The following PDE7A variants were observed in gnomAD, a reference collection of about 807,000 sequenced individuals.
PDE7A encodes phosphodiesterase 7A, also known as high affinity 3',5'-cyclic-AMP phosphodiesterase 7A.
PDE7A carries 39 observed loss-of-function variants against 64.3 expected under a neutral mutation model. That is an observed-to-expected ratio of 0.61 (90% confidence interval 0.47 to 0.79). The LOEUF is 0.79. Among genes scored for constraint, PDE7A ranks in the 30% least tolerant of loss-of-function variants. The pLI is 0.00. For synonymous variants in PDE7A, 203 were observed against 206.8 expected (o/e 0.98, Z 0.16); for missense variants, 470 against 582.8 (o/e 0.81, Z 1.99).
At chr8:65,792,454 A>C (rs898540443) in intron 1 of PDE7A, among the ~76,000 whole-genome samples, 4 of 152,220 alleles carry the variant, frequency 2.6e-5, no homozygotes, top group Non-Finnish European at 5.9e-5. Context: ...TGCCACTCAC[A>C]GGACACCTGT....
At chr8:65,806,728 G>A (rs555642171) in intron 1 of PDE7A, among the ~76,000 whole-genome samples, 1 of 152,324 alleles carries the variant, frequency 6.6e-6, no homozygotes, top group Non-Finnish European at 1.5e-5. Context: ...CCAAGTTGGA[G>A]CACATGTCAG....
intron 3 of PDE7A, among the ~76,000 whole-genome samples, chr8:65,767,096 G>A (rs757186117): frequency 4.6e-5 from 7 of 152,102 alleles, no homozygotes; most frequent in South Asian, 2.1e-4. Context: ...TATTAAATAC[G>A]TCATACACTT....
At chr8:65,792,839 C>T (rs907249136) in intron 1 of PDE7A, among the ~76,000 whole-genome samples, 2 of 152,058 alleles carry the variant, frequency 1.3e-5, no homozygotes, top group Non-Finnish European at 2.9e-5. Flanking sequence ...AAGAAAAAAG[C>T]TTCCATAACA....
At chr8:65,757,104 C>T (rs1439687129) in intron 3 of PDE7A, among the ~76,000 whole-genome samples, 1 of 152,092 alleles carries the variant, frequency 6.6e-6, no homozygotes, top group Admixed American at 6.5e-5. Flanking sequence ...ATAATGTCAG[C>T]ATTCCTTCCC....
chr8:65,786,163 T>A (rs1221007925), intron 1 of PDE7A, among the ~76,000 whole-genome samples: 1 of 152,170 alleles, frequency 6.6e-6, no homozygotes, highest in Non-Finnish European at 1.5e-5. Flanking sequence ...ATTACATAGG[T>A]CTGTGCAAAA....
In PDE7A at chr8:65,716,735, G is replaced by C. The variant is rs1377049454; in HGVS notation, c.*2555C>G. Among the ~76,000 whole-genome samples the C allele has an allele frequency of 1.3e-5, 2 of 152,204 alleles. No individual in the cohort carries two copies. Among genetic ancestry groups the C allele is most frequent in the Non-Finnish European group, 2.9e-5 (2 of 68,030 alleles). ...GTTACTGTGAGCTTGGTTAATGTGG[G>C]TTTGCCATGATAGTTCCACTCTCTA... On this transcript the variant is annotated 3_prime_UTR_variant, in exon 13 of 13. Transcript: ENST00000401827.
chr8:65,720,153 A>G (rs1806314308), intron 12 of PDE7A, among the ~76,000 whole-genome samples: 1 of 152,226 alleles, frequency 6.6e-6, no homozygotes, highest in South Asian at 2.1e-4. Flanking sequence ...ATTCAGTCAG[A>G]AAAGGAAAAT....
At chr8:65,808,747 G>A (rs1244782546) in intron 1 of PDE7A, among the ~76,000 whole-genome samples, 1 of 152,144 alleles carries the variant, frequency 6.6e-6, no homozygotes, top group Non-Finnish European at 1.5e-5. Flanking sequence ...TTTTGTCCGT[G>A]AGCACAAGAA....
intron 1 of PDE7A, among the ~76,000 whole-genome samples, chr8:65,821,785 ATCTT>A (rs200318015): frequency 0.01 from 1,525 of 152,362 alleles, 9 homozygotes; most frequent in Non-Finnish European, 0.016. Flanking sequence ...ATATATCAGT[ATCTT>A]TCTAATTTTG....
At chr8:65,823,620 C>T (rs1810595340) in intron 1 of PDE7A, among the ~76,000 whole-genome samples, 1 of 152,070 alleles carries the variant, frequency 6.6e-6, no homozygotes, top group African/African-American at 2.4e-5. Flanking sequence ...CCTCCCATTC[C>T]ACATTCTCAG....
rs542668941 is a variant in PDE7A, at chr8:65,780,137, T to A, written c.200-334A>T. ...CACATGGGCAACATTTTTTTTTTTT[T>A]AAAAAAAGGCCATTGGGAAGCAATA... is the stretch of plus-strand genomic sequence containing the variant. On this transcript the variant is annotated intron_variant, in intron 2 of 12. Coordinates refer to ENST00000401827, the MANE Select transcript of PDE7A (RefSeq NM_001242318.3). 1.5e-3 allele frequency among the ~76,000 whole-genome samples: 227 copies of A among 151,210 alleles called. 1 individual carries two copies. Among genetic ancestry groups the A allele is most frequent in the East Asian group, 6.6e-3 (34 of 5,164 alleles).
chr8:65,808,554 G>A (rs73242921), intron 1 of PDE7A, among the ~76,000 whole-genome samples: 3,298 of 152,064 alleles, frequency 0.022, 57 homozygotes, highest in African/African-American at 0.048. Flanking sequence ...TAGGACTGTC[G>A]AGCTAAACAC....
chr8:65,752,924 C>T (rs1384416752), intron 3 of PDE7A, among the ~76,000 whole-genome samples: 1 of 152,066 alleles, frequency 6.6e-6, no homozygotes, highest in Admixed American at 6.5e-5. Flanking sequence ...CCAAATCTGT[C>T]TTCCTTTCCA....
At position 65,718,044 on chromosome 8, in the gene PDE7A, A is replaced by T. The variant is rs1806211452; in HGVS notation, c.*1246T>A. On this transcript the variant is annotated 3_prime_UTR_variant, in exon 13 of 13. Transcript: ENST00000401827. ...CCGTCAAAGGGTAACGTTTCATCAA[A>T]GGGAGGGACAAGAAAACAATGCACT... 6.6e-6 allele frequency: 1 copy of T among 152,226 alleles called. No individual in the cohort carries two copies. The highest frequency in any genetic ancestry group is 1.5e-5 in the Non-Finnish European group (1 of 68,028). The allele number at this position is 152,226 out of a possible 1,614,324, so 9.4% of individuals were successfully genotyped here. A position where few individuals can be genotyped will look rare whatever the true frequency, so the allele number is the denominator to read the frequency against.
intron 1 of PDE7A, among the ~76,000 whole-genome samples, chr8:65,792,304 T>G (rs1483786006): frequency 6.6e-6 from 1 of 152,242 alleles, no homozygotes; most frequent in East Asian, 1.9e-4. Flanking sequence ...TTTCTGGGGT[T>G]TATAAGGCTA....
intron 12 of PDE7A, among the ~76,000 whole-genome samples, chr8:65,720,920 C>T (rs1806349598): frequency 1.3e-5 from 2 of 152,182 alleles, no homozygotes; most frequent in Non-Finnish European, 2.9e-5. Context: ...CCACATGGCC[C>T]TTATTATTAT....
chr8:65,820,024 T>C (rs1810504317), intron 1 of PDE7A, among the ~76,000 whole-genome samples: 1 of 152,230 alleles, frequency 6.6e-6, no homozygotes, highest in Admixed American at 6.5e-5. Context: ...ATAGAATATC[T>C]CCAACCTACT....
At chr8:65,730,171 C>CTTTTTTTTTTTTTTTTTTTTTT (rs1179431555) in intron 7 of PDE7A, among the ~76,000 whole-genome samples, 5 of 86,446 alleles carry the variant, frequency 5.8e-5, no homozygotes, top group Non-Finnish European at 1.0e-4. Flanking sequence ...TTGCGCACTT[C>CTTTTTTTTTTTTTTTTTTTTTT]TTTTTTTTTT....
Position 65,727,481 on chromosome 8 carries a change from A to C in PDE7A, c.697-180T>G, listed in dbSNP as rs963606713. 5.6e-6 allele frequency: 4 copies of C among 710,504 alleles called. No homozygotes were observed. In the African/African-American group the frequency reaches 7.2e-5, roughly 13 times the overall value. The allele number at this position is 710,504 out of a possible 1,614,324, so 44.0% of individuals were successfully genotyped here. A position where few individuals can be genotyped will look rare whatever the true frequency, so the allele number is the denominator to read the frequency against. The stretch of plus-strand genomic sequence containing the variant: ...ACATCTGCCAGGTCCTGATCTCATC[A>C]CCACACTGGCAAAGCCATGATACAA... On this transcript the variant is annotated intron_variant, in intron 7 of 12. Coordinates refer to ENST00000401827, the MANE Select transcript of PDE7A (RefSeq NM_001242318.3).
Sources: allele counts gnomAD v4.1 joint callset (sites outside exome capture counted in the v4.1 genomes callset), GRCh38; gene constraint gnomAD v4.1.1; transcripts MANE v1.5; gene names NCBI Gene and HGNC (gene_info 2026-07-23, HGNC 2026-07-21).